The following RFX2 variants were observed in gnomAD, a reference collection of about 807,000 sequenced individuals.
RFX2 encodes DNA-binding protein RFX2.
RFX2 carries 20 observed loss-of-function variants against 87.8 expected under a neutral mutation model. The observed-to-expected ratio is 0.23, with a 90% CI of 0.16 to 0.33. The LOEUF (loss-of-function observed/expected upper bound fraction) is 0.33. Among genes scored for constraint, RFX2 ranks in the 10% least tolerant of loss-of-function variants. RFX2 has a pLI of 1.00. For synonymous variants in RFX2, 397 were observed against 431.3 expected, an observed-to-expected ratio of 0.92 and a Z score of 0.98; for missense variants, 767 against 1,012.3, an observed-to-expected ratio of 0.76 and a Z score of 3.29.
In RFX2 at chr19:6,045,834, G is replaced by A. The variant is rs2087181910; in HGVS notation, c.91-1552C>T. Among the ~76,000 whole-genome samples the A allele has an allele frequency of 6.6e-6, 1 of 151,968 alleles. No homozygotes were observed. Among genetic ancestry groups the A allele is most frequent in the Non-Finnish European group, 1.5e-5 (1 of 68,018 alleles). On this transcript the variant is annotated intron_variant, in intron 2 of 17. Transcript: ENST00000303657. This position sits in a 1 kb window ranked among gnomAD's most constrained non-coding sequence, Gnocchi z 5.2. ...TTACAAGCATGTGCCACAATGCTCG[G>A]CTAATTTATTATTATTATTATTTTT... is the stretch of plus-strand genomic sequence containing the variant.
In RFX2 at chr19:6,020,525, A is replaced by G. The variant is rs1599858842; in HGVS notation, c.598-4254T>C. Among the ~76,000 whole-genome samples the G allele has an allele frequency of 6.6e-6, 1 of 152,192 alleles. No homozygotes were observed. The highest frequency in any genetic ancestry group is 1.5e-5 in the Non-Finnish European group (1 of 68,040). On this transcript the variant is annotated intron_variant, in intron 6 of 17. Coordinates refer to ENST00000303657, the MANE Select transcript of RFX2 (RefSeq NM_000635.4). This position sits in a 1 kb window ranked among gnomAD's most constrained non-coding sequence, Gnocchi z 5.3. ...AGACTCTGTTCAGGGTCTACGCCTCACCAGCAGGCTGGGAGCCACTTATGC... is the reference window on the plus strand; with the variant it reads ...AGACTCTGTTCAGGGTCTACGCCTCGCCAGCAGGCTGGGAGCCACTTATGC...
rs2086461662 is a variant in RFX2 at position 5,999,380 on chromosome 19, A to G, written c.1860-2167T>C. ...TGAGCTGTGCTCTTCTCTGGCTGGC[A>G]GGCACCTCAGTCCTGCGCTCACTCT... On this transcript the variant is annotated intron_variant, in intron 15 of 17. Coordinates refer to ENST00000303657, the MANE Select transcript of RFX2 (RefSeq NM_000635.4). The surrounding 1 kb of genome is among the most constrained non-coding windows in gnomAD (Gnocchi z 4.1). Among the ~76,000 whole-genome samples the G allele has an allele frequency of 6.6e-6, 1 of 152,046 alleles. No individual in the cohort carries two copies. Among genetic ancestry groups the G allele is most frequent in the Admixed American group, 6.6e-5 (1 of 15,262 alleles).
At position 6,044,317 on chromosome 19, in the gene RFX2, G is replaced by C; in HGVS notation, c.91-35C>G. ...AAGGGAGAGAAGGCCAGTTAGACTT[G>C]TCAGAGGTCAGTGCTGAGGATACAC... On this transcript the variant is annotated intron_variant, in intron 2 of 17. Coordinates refer to ENST00000303657, the MANE Select transcript of RFX2 (RefSeq NM_000635.4). The surrounding 1 kb of genome is among the most constrained non-coding windows in gnomAD (Gnocchi z 5.3). 2 of 1,335,566 alleles carry C rather than the reference G, an allele frequency of 1.5e-6. No homozygotes were observed. Among genetic ancestry groups the C allele is most frequent in the Non-Finnish European group, 2.0e-6 (2 of 986,850 alleles). The allele number at this position is 1,335,566 out of a possible 1,614,324, so 82.7% of individuals were successfully genotyped here.
intron 10 of RFX2, 54 bp downstream of exon 10, chr19:6,008,051 TG>T: frequency 7.5e-7 from 1 of 1,330,022 alleles, no homozygotes; most frequent in Non-Finnish European, 1.1e-6. Context: ...GCCTGAGCGC[TG>T]GCGGTTCCCG....
In RFX2 at chr19:6,004,333, A is replaced by G. The variant is rs778451140; in HGVS notation, c.1403-35T>C. The G allele has an allele frequency of 1.9e-6, 3 of 1,551,128 alleles. No individual in the cohort carries two copies. Among genetic ancestry groups the G allele is most frequent in the African/African-American group, 2.7e-5 (2 of 73,612 alleles). ...ACAGACCATGATATTACCAGGGAGA[A>G]AGGCAGTGACTGGACCCTGGAAATC... On this transcript the variant is annotated intron_variant, in intron 12 of 17. Transcript: ENST00000303657. The surrounding 1 kb of genome is among the most constrained non-coding windows in gnomAD (Gnocchi z 4.8).
Position 6,044,008 on chromosome 19 carries a change from A to G in RFX2, c.180+185T>C, listed in dbSNP as rs1450987986. On this transcript the variant is annotated intron_variant, in intron 3 of 17. Transcript: ENST00000303657. The surrounding 1 kb of genome is among the most constrained non-coding windows in gnomAD (Gnocchi z 5.3). ...CACCAGCTTTCTTGGCTTTCTGCAAAACTATCTGCAGTAAATGATTTTTTT... is the reference window on the plus strand; with the variant it reads ...CACCAGCTTTCTTGGCTTTCTGCAAGACTATCTGCAGTAAATGATTTTTTT... 2.0e-5 allele frequency among the ~76,000 whole-genome samples: 3 copies of G among 152,202 alleles called. No homozygotes were observed. The highest frequency in any genetic ancestry group is 3.9e-4 in the East Asian group (2 of 5,194).
chr19:6,069,051 G>A (rs1274998880), intron 1 of RFX2, among the ~76,000 whole-genome samples: 1 of 152,184 alleles, frequency 6.6e-6, no homozygotes, highest in African/African-American at 2.4e-5. Context: ...CTAAAAGGAT[G>A]AGGTCAGGAA....
intron 3 of RFX2, among the ~76,000 whole-genome samples, chr19:6,042,425 C>G (rs2087124280): frequency 6.6e-6 from 1 of 152,156 alleles, no homozygotes; most frequent in Admixed American, 6.5e-5. Flanking sequence ...GACAACGCTC[C>G]TCCAGTGCAG....
chr19:6,004,815 C>A lies in RFX2; in HGVS notation c.1403-517G>T, dbSNP rs564187042. 2.6e-3 allele frequency among the ~76,000 whole-genome samples: 383 copies of A among 149,548 alleles called. 1 individual carries two copies. Among genetic ancestry groups the A allele is most frequent in the South Asian group, 6.2e-3 (29 of 4,690 alleles). On this transcript the variant is annotated intron_variant, in intron 12 of 17. Coordinates refer to ENST00000303657, the MANE Select transcript of RFX2 (RefSeq NM_000635.4). The surrounding 1 kb of genome is among the most constrained non-coding windows in gnomAD (Gnocchi z 4.8). ...ATCAGACTGTTAAAAAAAAAAAAAA[C>A]CAAAAAACAAAAACAGAAAAAGGCC...
Position 6,016,418 on chromosome 19 carries a change from T to A in RFX2, c.598-147A>T, listed in dbSNP as rs1296603169. The A allele has an allele frequency of 8.8e-6, 5 of 571,422 alleles. No individual in the cohort carries two copies. The highest frequency in any genetic ancestry group is 1.9e-5 in the African/African-American group (1 of 52,548). The allele number at this position is 571,422 out of a possible 1,614,324, so 35.4% of individuals were successfully genotyped here. A position where few individuals can be genotyped will look rare whatever the true frequency, so the allele number is the denominator to read the frequency against. ...TCTTTTCTTTCTTTTTGAGGCGGAG[T>A]CTTGCTCTGTCACCCAGTCTGGAGT... On this transcript the variant is annotated intron_variant, in intron 6 of 17. Transcript: ENST00000303657. This position sits in a 1 kb window ranked among gnomAD's most constrained non-coding sequence, Gnocchi z 5.4.
In RFX2 at chr19:6,002,773, T is replaced by C. The variant is rs1349699176; in HGVS notation, c.1598A>G (p.Gln533Arg). 1.2e-6 allele frequency: 2 copies of C among 1,613,880 alleles called. No homozygotes were observed. Among genetic ancestry groups the C allele is most frequent in the Non-Finnish European group, 1.7e-6 (2 of 1,179,966 alleles). The change falls in exon 14 of 18, where the codon CAG (glutamine) becomes CGG (arginine). Residue 533 changes from glutamine (Q) to arginine (R), a missense_variant. This residue lies in a region of RFX2 where 621 missense variants were observed against 873.0 expected (regional missense o/e 0.71). Coordinates refer to ENST00000303657, the MANE Select transcript of RFX2 (RefSeq NM_000635.4). This position sits in a 1 kb window ranked among gnomAD's most constrained non-coding sequence, Gnocchi z 6.7. The part of the protein sequence containing the change: ...AARAVLQNTS[Q>R]INQMLSDLNR... ...GAGGTCGCTGAGCATCTGGTTGATC[T>C]GGGACGTGTTCTGCAGCACCGCCCG...
chr19:5,998,099 G>A lies in RFX2; in HGVS notation c.1860-886C>T, dbSNP rs2144662235. Among the ~76,000 whole-genome samples the A allele has an allele frequency of 6.6e-6, 1 of 152,274 alleles. No homozygotes were observed. The highest frequency in any genetic ancestry group is 2.1e-4 in the South Asian group (1 of 4,832). On this transcript the variant is annotated intron_variant, in intron 15 of 17. Transcript: ENST00000303657. This position sits in a 1 kb window ranked among gnomAD's most constrained non-coding sequence, Gnocchi z 4.2. ...AGGGCGGGCAGATCACTTGGGGTCA[G>A]GAGTTCTAGACCAGCCTGGCCAACA...
At chr19:6,105,132 AAAG>A (rs1299248064) in intron 1 of RFX2, among the ~76,000 whole-genome samples, 1 of 152,080 alleles carries the variant, frequency 6.6e-6, no homozygotes, top group South Asian at 2.1e-4. Flanking sequence ...AAAAAAAAAA[AAAG>A]AAGTTAATAA....
intron 1 of RFX2, among the ~76,000 whole-genome samples, chr19:6,055,651 T>C (rs961571981): frequency 6.6e-6 from 1 of 152,196 alleles, no homozygotes; most frequent in Non-Finnish European, 1.5e-5. Flanking sequence ...CTCAAACTCC[T>C]GGGCTCAAAT....
chr19:6,061,287 A>G lies in RFX2; in HGVS notation c.-8-13783T>C, dbSNP rs1277354348. ...TCACATTGGGGTGATTCAAAAGATA[A>G]CAATGTCTTCTCATTCCCTGGCTCA... On this transcript the variant is annotated intron_variant, in intron 1 of 17. Coordinates refer to ENST00000303657, the MANE Select transcript of RFX2 (RefSeq NM_000635.4). The surrounding 1 kb of genome is among the most constrained non-coding windows in gnomAD (Gnocchi z 5.2). Among the ~76,000 whole-genome samples the G allele has an allele frequency of 6.6e-6, 1 of 152,228 alleles. No homozygotes were observed. The highest frequency in any genetic ancestry group is 1.5e-5 in the Non-Finnish European group (1 of 68,036).
At chr19:6,035,888 TGA>T (rs1568517563) in intron 5 of RFX2, among the ~76,000 whole-genome samples, 15 of 150,546 alleles carry the variant, frequency 1.0e-4, no homozygotes, top group African/African-American at 3.6e-4. Context: ...TGTGTGTGTG[TGA>T]AAACATAGCC....
At chr19:6,072,741 T>C (rs2087626166) in intron 1 of RFX2, 1 of 510,248 alleles carries the variant, frequency 2.0e-6, no homozygotes. Context: ...TCCAAGGACA[T>C]AACAAAGAAA....
intron 1 of RFX2, among the ~76,000 whole-genome samples, chr19:6,067,675 C>G (rs985506778): frequency 1.6e-4 from 24 of 152,186 alleles, no homozygotes; most frequent in African/African-American, 5.8e-4. Context: ...GGTGAAGTGG[C>G]ACCACCACCT....
chr19:6,109,919 GCCC>G (rs1188826608), intron 1 of RFX2, among the ~76,000 whole-genome samples: 1 of 151,618 alleles, frequency 6.6e-6, no homozygotes. Context: ...GTCCCCTGGC[GCCC>G]CCAATTCAGA....
Sources: allele counts gnomAD v4.1 joint callset (sites outside exome capture counted in the v4.1 genomes callset), GRCh38; gene constraint gnomAD v4.1.1; regional missense constraint gnomAD v4.1.1; non-coding constraint Gnocchi (gnomAD v3.1); transcripts MANE v1.5; gene names NCBI Gene and HGNC (gene_info 2026-07-23, HGNC 2026-07-21).